The following AKR1C1 variants were observed in gnomAD, a reference collection of about 807,000 sequenced individuals.
The protein encoded by AKR1C1 is aldo-keto reductase family 1 member C1.
A neutral mutation model predicts 40.6 loss-of-function variants in AKR1C1; 32 were observed. That is an observed-to-expected ratio of 0.79 (90% CI 0.60 to 1.06). The LOEUF is 1.06. AKR1C1 is among the 50% of genes least tolerant of loss of function. AKR1C1 has a pLI of 0.00. For synonymous variants in AKR1C1, 105 were observed against 134.2 expected, an observed-to-expected ratio of 0.78 and a Z score of 1.50; for missense variants, 320 against 363.5, an observed-to-expected ratio of 0.88 and a Z score of 0.97.
intron 8 of AKR1C1, among the ~76,000 whole-genome samples, chr10:4,977,101 G>A (rs1239794421): frequency 6.6e-6 from 1 of 152,216 alleles, no homozygotes; most frequent in Non-Finnish European, 1.5e-5. Context: ...AATTGTACAT[G>A]TGAGCAGTCA....
chr10:4,964,993 G>A (rs1387083481), intron 1 of AKR1C1, among the ~76,000 whole-genome samples: 1 of 152,206 alleles, frequency 6.6e-6, no homozygotes, highest in Non-Finnish European at 1.5e-5. Context: ...GAGTTTCTGT[G>A]CACCTGCTTT....
chr10:4,970,992 G>T (rs1419409245), intron 5 of AKR1C1, among the ~76,000 whole-genome samples: 1 of 151,838 alleles, frequency 6.6e-6, no homozygotes, highest in Non-Finnish European at 1.5e-5. Flanking sequence ...AGCTAACAGT[G>T]GTCAGATCTG....
At chr10:4,968,459 C>T in intron 4 of AKR1C1, 73 bp downstream of exon 4, 1 of 1,100,802 alleles carries the variant, frequency 9.1e-7, no homozygotes, top group Non-Finnish European at 1.3e-6. Context: ...CTTCTTAGTA[C>T]AAGTATGGAA....
intron 1 of AKR1C1, 66 bp from the exon 2 acceptor site, chr10:4,965,848 T>C: frequency 6.5e-7 from 1 of 1,546,650 alleles, no homozygotes; most frequent in African/African-American, 1.4e-5. Context: ...TGAACGTCGC[T>C]ACTTGTGCCT....
rs1212218195 is a variant in AKR1C1 at position 4,978,356 on chromosome 10, G to A, written c.*614G>A. 6.6e-6 allele frequency: 1 copy of A among 150,676 alleles called. No individual in the cohort carries two copies. Among genetic ancestry groups the A allele is most frequent in the Admixed American group, 6.6e-5 (1 of 15,100 alleles). The allele number at this position is 150,676 out of a possible 1,614,324, so 9.3% of individuals were successfully genotyped here. ...GTGATTAGAAGTCAGGTATGGGAAG[G>A]CTAAATAGGACAGAGTCGAGTACAT... is the stretch of plus-strand genomic sequence containing the variant. On this transcript the variant is annotated 3_prime_UTR_variant, in exon 9 of 9. Coordinates refer to ENST00000380872, the MANE Select transcript of AKR1C1 (RefSeq NM_001353.6).
intron 7 of AKR1C1, among the ~76,000 whole-genome samples, chr10:4,973,101 A>G: frequency 6.6e-6 from 1 of 151,198 alleles, no homozygotes; most frequent in Non-Finnish European, 1.5e-5. Flanking sequence ...ATGTTTATGT[A>G]GTATAAATTC....
At position 4,977,880 on chromosome 10, in the gene AKR1C1, A is replaced by T; in HGVS notation, c.*138A>T. ...TTGGTGATTTCAGCAAGCTACAGCA[A>T]AGCCCATTGGCCAGAAAGGAAAGAC... is the stretch of plus-strand genomic sequence containing the variant. On this transcript the variant is annotated 3_prime_UTR_variant, in exon 9 of 9. Transcript: ENST00000380872. The T allele has an allele frequency of 7.7e-7, 1 of 1,305,224 alleles. No individual in the cohort carries two copies. The allele number at this position is 1,305,224 out of a possible 1,614,324, so 80.9% of individuals were successfully genotyped here. A position where few individuals can be genotyped will look rare whatever the true frequency, so the allele number is the denominator to read the frequency against.
Position 4,965,298 on chromosome 10 carries a change from G to A in AKR1C1, c.85-616G>A, listed in dbSNP as rs143217973. Among the ~76,000 whole-genome samples the A allele has an allele frequency of 3.4e-3, 514 of 152,154 alleles. 8 individuals are homozygous for A. The highest frequency in any genetic ancestry group is 0.012 in the African/African-American group (495 of 41,500). On this transcript the variant is annotated intron_variant, in intron 1 of 8. Transcript: ENST00000380872. ...TTTTGTTTTGTTTTTCTGAGATGGAGTCTCGCTTTGTCGTCCAGGCTGGAG... is the reference window on the plus strand; with the variant it reads ...TTTTGTTTTGTTTTTCTGAGATGGAATCTCGCTTTGTCGTCCAGGCTGGAG...
chr10:4,978,146 T>C lies in AKR1C1; in HGVS notation c.*404T>C, dbSNP rs559378823. The C allele has an allele frequency of 4.8e-6, 1 of 206,992 alleles. No homozygotes were observed. The highest frequency in any genetic ancestry group is 7.4e-5 in the South Asian group (1 of 13,462). The allele number at this position is 206,992 out of a possible 1,614,324, so 12.8% of individuals were successfully genotyped here. A position where few individuals can be genotyped will look rare whatever the true frequency, so the allele number is the denominator to read the frequency against. ...GGGAAAGGGGCAGGTGACAGGTATT[T>C]ATCAGTCAGTGCCTCTCTAGCTCTT... On this transcript the variant is annotated 3_prime_UTR_variant, in exon 9 of 9. Coordinates refer to ENST00000380872, the MANE Select transcript of AKR1C1 (RefSeq NM_001353.6).
In AKR1C1 at chr10:4,963,468, G is replaced by A; in HGVS notation, c.24G>A (p.Val8=). The A allele has an allele frequency of 6.2e-7, 1 of 1,614,002 alleles. No individual in the cohort carries two copies. Among genetic ancestry groups the A allele is most frequent in the Non-Finnish European group, 8.5e-7 (1 of 1,179,950 alleles). Residue 8 remains valine (V), a synonymous_variant, in exon 1 of 9, where the codon GTG becomes GTA. Coordinates refer to ENST00000380872, the MANE Select transcript of AKR1C1 (RefSeq NM_001353.6). MDSKYQC[V]KLNDGHFMPV... is the part of the protein sequence containing the mutation. ...AAATGGATTCGAAATATCAGTGTGT[G>A]AAGCTGAATGATGGTCACTTCATGC...
chr10:4,979,017 C>T lies in AKR1C1; in HGVS notation c.*1275C>T, dbSNP rs1836571979. 6.6e-6 allele frequency: 1 copy of T among 152,176 alleles called. No homozygotes were observed. Among genetic ancestry groups the T allele is most frequent in the African/African-American group, 2.4e-5 (1 of 41,426 alleles). 9.4% of individuals were successfully genotyped at this position (152,176 alleles called of 1,614,324 possible). On this transcript the variant is annotated 3_prime_UTR_variant, in exon 9 of 9. Coordinates refer to ENST00000380872, the MANE Select transcript of AKR1C1 (RefSeq NM_001353.6). ...TATGAGAAGGACAGTGGTTTTTAAC[C>T]TGGGCATATGTTCTAACACATTTAC...
At chr10:4,971,411 G>A (rs1249606601) in intron 5 of AKR1C1, among the ~76,000 whole-genome samples, 2 of 150,428 alleles carry the variant, frequency 1.3e-5, no homozygotes, top group Non-Finnish European at 1.5e-5. Context: ...TCTCATTGTC[G>A]CACTAATTAC....
intron 4 of AKR1C1, 135 bp downstream of exon 4, chr10:4,968,521 A>G: frequency 6.5e-7 from 1 of 1,541,714 alleles, no homozygotes; most frequent in Non-Finnish European, 8.8e-7. Flanking sequence ...AGTTTTTGTG[A>G]GCAGTGAGGA....
At chr10:4,967,180 C>T in intron 3 of AKR1C1, 137 bp downstream of exon 3, 3 of 1,036,668 alleles carry the variant, frequency 2.9e-6, no homozygotes, top group Non-Finnish European at 4.2e-6. Flanking sequence ...AATCTAACTC[C>T]TAATTCCTTT....
chr10:4,971,671 G>T (rs1307541648), intron 5 of AKR1C1, among the ~76,000 whole-genome samples: 8 of 150,610 alleles, frequency 5.3e-5, no homozygotes, highest in African/African-American at 1.9e-4. Flanking sequence ...ATGAAAGACT[G>T]TGAAAATTAT....
Position 4,977,746 on chromosome 10 carries a change from G to A in AKR1C1, c.*4G>A. The A allele has an allele frequency of 6.2e-7, 1 of 1,611,612 alleles. No homozygotes were observed. Among genetic ancestry groups the A allele is most frequent in the South Asian group, 1.1e-5 (1 of 90,824 alleles). On this transcript the variant is annotated 3_prime_UTR_variant, in exon 9 of 9. Transcript: ENST00000380872. ...TCCATTTTCTGATGAATATTAACAT[G>A]GAGGGCATTGCATGAGGTCTGCCAG... is the stretch of plus-strand genomic sequence containing the variant.
rs188537900 is a variant in AKR1C1, at chr10:4,963,991, G to A, written c.84+463G>A. 1.8e-3 allele frequency: 1,310 copies of A among 745,096 alleles called. 2 individuals carry two copies. The highest frequency in any genetic ancestry group is 2.9e-3 in the Non-Finnish European group (1,162 of 403,536). 46.2% of individuals were successfully genotyped at this position (745,096 alleles called of 1,614,324 possible). Reference sequence around the variant, plus strand: ...ACTGTAATACTAGACCTGGCCTAAAGAGAATTTCTCATGTACTATTCTCAC... The same window carrying A: ...ACTGTAATACTAGACCTGGCCTAAAAAGAATTTCTCATGTACTATTCTCAC... On this transcript the variant is annotated intron_variant, in intron 1 of 8. Coordinates refer to ENST00000380872, the MANE Select transcript of AKR1C1 (RefSeq NM_001353.6).
rs1139139 is a variant in AKR1C1, at chr10:4,978,433, C to T, written c.*691C>T. 0.32 allele frequency: 48,240 copies of T among 148,994 alleles called. 8,688 individuals carry two copies. The highest frequency in any genetic ancestry group is 0.48 in the African/African-American group (19,119 of 40,042). 9.2% of individuals were successfully genotyped at this position (148,994 alleles called of 1,614,324 possible). ...CCTTTTTTTTGAACATTATATCTTG[C>T]TCATAAAAGAAAACTTTCCACATTG... On this transcript the variant is annotated 3_prime_UTR_variant, in exon 9 of 9. Transcript: ENST00000380872.
At chr10:4,969,087 AG>A (rs1437208963) in intron 5 of AKR1C1, 143 bp downstream of exon 5, 1 of 1,509,754 alleles carries the variant, frequency 6.6e-7, no homozygotes, top group African/African-American at 1.4e-5. Flanking sequence ...AAGGGCATAG[AG>A]GGATCTTACT....
Sources: gnomAD v4.1 joint callset for allele counts (sites outside exome capture counted in the v4.1 genomes callset) on GRCh38, gnomAD v4.1.1 for gene constraint, MANE v1.5 for transcripts, NCBI Gene and HGNC (gene_info 2026-07-23, HGNC 2026-07-21) for gene names.